The following GSDMC variants were observed in gnomAD, a reference collection of about 807,000 sequenced individuals.
The protein encoded by GSDMC is gasdermin C, also known as gasdermin-C.
A neutral mutation model predicts 58.0 loss-of-function variants in GSDMC; 59 were observed. The ratio of observed to expected loss-of-function variants is 1.02; its 90% CI spans 0.82 to 1.26. The LOEUF (loss-of-function observed/expected upper bound fraction) is 1.26. GSDMC is among the 50% of genes most tolerant of loss of function. The pLI, the probability that GSDMC is intolerant of heterozygous loss-of-function variation, is 0.00. For synonymous variants in GSDMC, 241 were observed against 220.2 expected (o/e 1.09, Z -0.83); for missense variants, 659 against 598.5 (o/e 1.10, Z -1.06).
rs1199499096 is a variant in GSDMC at position 129,751,526 on chromosome 8, C to T, written c.943+16G>A. ...CCCACCCAGAAGCCCCAGGTTCCCC[C>T]TTAATAAATACTTACTTTGCCAGAA... is the stretch of plus-strand genomic sequence containing the variant. On this transcript the variant is annotated intron_variant, in intron 10 of 13. Transcript: ENST00000276708. 8.7e-6 allele frequency: 14 copies of T among 1,609,048 alleles called. No homozygotes were observed. The highest frequency in any genetic ancestry group is 1.7e-4 in the Middle Eastern group (1 of 6,048).
At chr8:129,746,847 C>A (rs888633411), downstream of GSDMC, among the ~76,000 whole-genome samples, 3 of 152,084 alleles carry the variant, frequency 2.0e-5, no homozygotes, top group Admixed American at 6.5e-5. Flanking sequence ...AGGCAAGAGG[C>A]AAAGTTTCTC....
At chr8:129,762,287 GA>G (rs2033694279) in intron 5 of GSDMC, among the ~76,000 whole-genome samples, 1 of 152,220 alleles carries the variant, frequency 6.6e-6, no homozygotes, top group Non-Finnish European at 1.5e-5. Flanking sequence ...TGTGGCTGAT[GA>G]GTTGCTGAGG....
intron 3 of GSDMC, among the ~76,000 whole-genome samples, chr8:129,772,216 G>C (rs941985821): frequency 1.4e-5 from 2 of 145,556 alleles, no homozygotes; most frequent in African/African-American, 2.6e-5. Context: ...AGCGGAGATC[G>C]CGCCACTGCA....
chr8:129,751,035 G>A (rs939597719), intron 10 of GSDMC, among the ~76,000 whole-genome samples: 1 of 152,160 alleles, frequency 6.6e-6, no homozygotes, highest in Non-Finnish European at 1.5e-5. Context: ...ACTTCGGGAG[G>A]CTGACATGGG....
chr8:129,760,383 A>G (rs897712583), intron 6 of GSDMC, among the ~76,000 whole-genome samples, 162 bp downstream of exon 6: 1 of 152,216 alleles, frequency 6.6e-6, no homozygotes, highest in Non-Finnish European at 1.5e-5. Flanking sequence ...TGCTTAGAAC[A>G]TGAAGGATAA....
the GSDMC span, among the ~76,000 whole-genome samples, chr8:129,719,067 A>G: frequency 6.6e-6 from 1 of 152,212 alleles, no homozygotes; most frequent in East Asian, 1.9e-4. Flanking sequence ...CAGCATTAGT[A>G]GAAATACCTA....
chr8:129,744,117 G>T (rs1264426657), downstream of GSDMC, among the ~76,000 whole-genome samples: 1 of 151,934 alleles, frequency 6.6e-6, no homozygotes, highest in Non-Finnish European at 1.5e-5. Flanking sequence ...CTATCTCTGT[G>T]TTGTTAACTC....
rs2033146184 is a variant in GSDMC at position 129,750,515 on chromosome 8, G to A, written c.999C>T (p.Leu333=). The change falls in exon 11 of 14, where the codon CTC becomes CTT. Residue 333 remains leucine (L), a synonymous_variant. Transcript: ENST00000276708. ...ACATGACATCCTGAACATCCTTTGA[G>A]AGCTGAGCCAGTGTCTTTATTTTCT... ...VFQKIKTLAQ[L]SKDVQDVMFY... is the part of the protein sequence containing the mutation. The A allele has an allele frequency of 6.2e-7, 1 of 1,613,774 alleles. No individual in the cohort carries two copies. Among genetic ancestry groups the A allele is most frequent in the Non-Finnish European group, 8.5e-7 (1 of 1,179,782 alleles).
At chr8:129,755,054 G>A (rs2033372679) in intron 6 of GSDMC, among the ~76,000 whole-genome samples, 1 of 152,026 alleles carries the variant, frequency 6.6e-6, no homozygotes. Flanking sequence ...TTTATCCAAA[G>A]GAATAATATT....
chr8:129,723,296 A>T, the GSDMC span, among the ~76,000 whole-genome samples: 2 of 152,134 alleles, frequency 1.3e-5, no homozygotes, highest in Admixed American at 1.3e-4. Context: ...GCTGGAGTGC[A>T]GTGGCATGAT....
downstream of GSDMC, among the ~76,000 whole-genome samples, chr8:129,747,265 A>G (rs2032983041): frequency 6.6e-6 from 1 of 152,028 alleles, no homozygotes; most frequent in African/African-American, 2.4e-5. Flanking sequence ...TCAAAAAAAA[A>G]AAAAAATTTG....
the GSDMC span, chr8:129,728,951 C>T: frequency 1.5e-6 from 1 of 668,840 alleles, no homozygotes; most frequent in Non-Finnish European, 2.8e-6. Context: ...TGGCGGTGGT[C>T]AAGCTGCTGA....
chr8:129,760,687 G>A (rs1014512324), intron 5 of GSDMC, 98 bp from the exon 6 acceptor site: 6 of 680,148 alleles, frequency 8.8e-6, no homozygotes, highest in South Asian at 1.9e-5. Flanking sequence ...TGGGATGCCT[G>A]TTAAATCTGA....
chr8:129,767,752 C>T (rs143614752), intron 3 of GSDMC, among the ~76,000 whole-genome samples: 3 of 152,138 alleles, frequency 2.0e-5, no homozygotes, highest in Admixed American at 1.3e-4. Flanking sequence ...AGACCACCAC[C>T]AATTACAAAA....
At chr8:129,760,631 A>T (rs1172282111) in intron 5 of GSDMC, 42 bp from the exon 6 acceptor site, 8 of 673,508 alleles carry the variant, frequency 1.2e-5, no homozygotes, top group Non-Finnish European at 1.7e-5. Context: ...AGTTGAGGTT[A>T]TTCCTGCCTG....
At chr8:129,708,339 G>A in the GSDMC span, among the ~76,000 whole-genome samples, 1 of 152,194 alleles carries the variant, frequency 6.6e-6, no homozygotes, top group African/African-American at 2.4e-5. Context: ...AGGGCAGATT[G>A]GTTGCTTATG....
chr8:129,751,516 C>T, intron 10 of GSDMC, 26 bp downstream of exon 10: 1 of 1,601,506 alleles, frequency 6.2e-7, no homozygotes, highest in Non-Finnish European at 8.5e-7. Context: ...CCAGAAGCCC[C>T]AGGTTCCCCC....
chr8:129,743,663 A>G (rs2032908794), downstream of GSDMC, among the ~76,000 whole-genome samples: 1 of 152,038 alleles, frequency 6.6e-6, no homozygotes, highest in Non-Finnish European at 1.5e-5. Flanking sequence ...ATGTGTCTGG[A>G]TTTTGTTGTA....
intron 6 of GSDMC, among the ~76,000 whole-genome samples, chr8:129,753,623 T>C (rs956141149): frequency 7.9e-5 from 12 of 152,138 alleles, no homozygotes; most frequent in Admixed American, 2.0e-4. Flanking sequence ...GAGGGAAAAG[T>C]AAAGAGGAGG....
Sources: gnomAD v4.1 joint callset for allele counts (sites outside exome capture counted in the v4.1 genomes callset) on GRCh38, gnomAD v4.1.1 for gene constraint, MANE v1.5 for transcripts, NCBI Gene and HGNC (gene_info 2026-07-23, HGNC 2026-07-21) for gene names.